TPST1: variants seen among roughly 807,000 people sequenced by gnomAD.
TPST1 encodes protein-tyrosine sulfotransferase 1.
In TPST1, 20 loss-of-function variants were observed where a neutral mutation model predicts 34.8. The observed-to-expected ratio is 0.57, with a 90% CI of 0.40 to 0.84. The LOEUF (loss-of-function observed/expected upper bound fraction) is 0.84, where lower values mean the gene tolerates loss of function less well. TPST1 is among the 40% of genes least tolerant of loss of function. The pLI is 0.00. For synonymous variants in TPST1, 152 were observed against 159.4 expected, an observed-to-expected ratio of 0.95 and a Z score of 0.35; for missense variants, 353 against 455.5, an observed-to-expected ratio of 0.78 and a Z score of 2.05.
chr7:66,325,074 T>G (rs1437765499), intron 3 of TPST1, among the ~76,000 whole-genome samples: 1 of 152,198 alleles, frequency 6.6e-6, no homozygotes, highest in African/African-American at 2.4e-5. Flanking sequence ...TGACTCATAG[T>G]TCAGCATGGC....
At chr7:66,323,175 T>G (rs1791792381) in intron 3 of TPST1, among the ~76,000 whole-genome samples, 1 of 152,182 alleles carries the variant, frequency 6.6e-6, no homozygotes, top group Non-Finnish European at 1.5e-5. Flanking sequence ...GATACATGAC[T>G]TGCAAAATTG....
intron 1 of TPST1, among the ~76,000 whole-genome samples, chr7:66,227,028 C>CTGTTTTTTTTTT (rs1789670063): frequency 1.4e-5 from 1 of 69,198 alleles, no homozygotes. Flanking sequence ...TTAAAATAAG[C>CTGTTTTTTTTTT]TTTTTTTTTT....
intron 3 of TPST1, among the ~76,000 whole-genome samples, chr7:66,321,682 AC>A (rs370667810): frequency 1.8e-4 from 28 of 152,258 alleles, no homozygotes; most frequent in African/African-American, 6.3e-4. Flanking sequence ...AAGTGATTAT[AC>A]CTGTTTACTC....
At chr7:66,293,132 G>A (rs137929860) in intron 3 of TPST1, among the ~76,000 whole-genome samples, 2,212 of 151,644 alleles carry the variant, frequency 0.015, 59 homozygotes, top group East Asian at 0.093. Flanking sequence ...CATGAACCCG[G>A]GAGGCAGAGC....
At chr7:66,262,227 G>C (rs1242907098) in intron 2 of TPST1, among the ~76,000 whole-genome samples, 1 of 152,124 alleles carries the variant, frequency 6.6e-6, no homozygotes, top group Non-Finnish European at 1.5e-5. Context: ...TTAAGCCCTG[G>C]ACCTGGGCAG....
At chr7:66,244,555 C>G (rs921710264) in intron 2 of TPST1, among the ~76,000 whole-genome samples, 13 of 152,174 alleles carry the variant, frequency 8.5e-5, no homozygotes, top group African/African-American at 2.2e-4. Flanking sequence ...GCTCAAGTAT[C>G]TTGAAAAGAA....
intron 3 of TPST1, among the ~76,000 whole-genome samples, chr7:66,340,789 T>G (rs1792221539): frequency 6.6e-6 from 1 of 152,158 alleles, no homozygotes; most frequent in South Asian, 2.1e-4. Flanking sequence ...ATTAGAAGAA[T>G]TAATATTGTT....
At chr7:66,259,870 A>C (rs1415273358) in intron 2 of TPST1, among the ~76,000 whole-genome samples, 4 of 152,224 alleles carry the variant, frequency 2.6e-5, no homozygotes, top group Non-Finnish European at 5.9e-5. Context: ...AGTATCATAC[A>C]GAATATTTTA....
At chr7:66,295,475 A>T (rs1254402296) in intron 3 of TPST1, among the ~76,000 whole-genome samples, 2 of 152,222 alleles carry the variant, frequency 1.3e-5, no homozygotes, top group African/African-American at 2.4e-5. Flanking sequence ...AGCCTGGGTG[A>T]TGGAGCGAGA....
intron 3 of TPST1, among the ~76,000 whole-genome samples, chr7:66,323,321 C>T (rs764777170): frequency 6.6e-6 from 1 of 152,118 alleles, no homozygotes; most frequent in Admixed American, 6.5e-5. Context: ...GGATTACAGG[C>T]GTGAGCCACC....
upstream of TPST1, among the ~76,000 whole-genome samples, chr7:66,201,253 G>A (rs1789031187): frequency 6.6e-6 from 1 of 151,946 alleles, no homozygotes; most frequent in Admixed American, 6.6e-5. Context: ...CTTGTAAATA[G>A]GTAATCCAGG....
intron 1 of TPST1, among the ~76,000 whole-genome samples, chr7:66,237,886 G>A (rs757382788): frequency 6.6e-6 from 1 of 152,102 alleles, no homozygotes; most frequent in Non-Finnish European, 1.5e-5. Flanking sequence ...GTTTCTTGTG[G>A]CCCAATAACG....
intron 3 of TPST1, among the ~76,000 whole-genome samples, chr7:66,334,479 T>C (rs1792054639): frequency 6.6e-6 from 1 of 151,534 alleles, no homozygotes; most frequent in Admixed American, 6.6e-5. Flanking sequence ...CTACTAAAAA[T>C]ACAAACATTA....
At chr7:66,315,191 C>CCG (rs1791607862) in intron 3 of TPST1, among the ~76,000 whole-genome samples, 1 of 152,196 alleles carries the variant, frequency 6.6e-6, no homozygotes, top group Non-Finnish European at 1.5e-5. Flanking sequence ...GGTGTGGCCA[C>CCG]AGTAAGGGAA....
At position 66,234,549 on chromosome 7, in the gene TPST1, A is replaced by G. The variant is rs147987698; in HGVS notation, c.-101-5776A>G. Reference sequence around the variant, plus strand: ...TTTTTTCTGTTTGGAAGCCTGCAGAATTTTTCGTGCTTGGAATTGCCAAGA... The same window carrying G: ...TTTTTTCTGTTTGGAAGCCTGCAGAGTTTTTCGTGCTTGGAATTGCCAAGA... On this transcript the variant is annotated intron_variant, in intron 1 of 5. Coordinates refer to ENST00000304842, the MANE Select transcript of TPST1 (RefSeq NM_003596.4). Among the ~76,000 whole-genome samples, 325 of 151,990 alleles carry G rather than the reference A, an allele frequency of 2.1e-3. 2 individuals are homozygous for G. Among genetic ancestry groups the G allele is most frequent in the African/African-American group, 7.7e-3 (318 of 41,438 alleles).
the TPST1 span, among the ~76,000 whole-genome samples, chr7:66,199,031 T>C: frequency 1.3e-5 from 2 of 152,144 alleles, no homozygotes; most frequent in Non-Finnish European, 2.9e-5. Context: ...AGCTTAACTC[T>C]CAGTTCTCCG....
intron 1 of TPST1, among the ~76,000 whole-genome samples, chr7:66,220,490 T>C (rs1789519053): frequency 6.6e-6 from 1 of 152,112 alleles, no homozygotes; most frequent in Admixed American, 6.6e-5. Flanking sequence ...AGGACACCTG[T>C]GTCGTATGTG....
At chr7:66,313,470 C>A (rs1694798306) in intron 3 of TPST1, among the ~76,000 whole-genome samples, 1 of 152,080 alleles carries the variant, frequency 6.6e-6, no homozygotes. Context: ...ACAAAATTTT[C>A]TTTTGCAAAT....
rs1252023768 is a variant in TPST1 at position 66,227,028 on chromosome 7, C to T, written c.-101-13297C>T. ...TTGGTGTTGGATGCCTTAAAATAAGCTTTTTTTTTTTTTTTTTTTTTTTGA... is the reference window on the plus strand; with the variant it reads ...TTGGTGTTGGATGCCTTAAAATAAGTTTTTTTTTTTTTTTTTTTTTTTTGA... On this transcript the variant is annotated intron_variant, in intron 1 of 5. Transcript: ENST00000304842. Among the ~76,000 whole-genome samples, 272 of 69,176 alleles carry T rather than the reference C, an allele frequency of 3.9e-3. 1 individual carries two copies. Among genetic ancestry groups the T allele is most frequent in the African/African-American group, 6.2e-3 (92 of 14,890 alleles). The allele number at this position is 69,176 out of a possible 152,430, so 45.4% of individuals were successfully genotyped here. A position where few individuals can be genotyped will look rare whatever the true frequency, so the allele number is the denominator to read the frequency against.
Sources: gnomAD v4.1 joint callset for allele counts (sites outside exome capture counted in the v4.1 genomes callset) on GRCh38, gnomAD v4.1.1 for gene constraint, MANE v1.5 for transcripts, NCBI Gene and HGNC (gene_info 2026-07-23, HGNC 2026-07-21) for gene names.